SCAMP2: variants seen among roughly 807,000 people sequenced by gnomAD.
SCAMP2 encodes secretory carrier-associated membrane protein 2.
SCAMP2 carries 25 observed loss-of-function variants against 44.1 expected under a neutral mutation model. That is an observed-to-expected ratio of 0.57 (90% CI 0.41 to 0.79). The LOEUF (loss-of-function observed/expected upper bound fraction) is 0.79. Among genes scored for constraint, SCAMP2 ranks in the 30% least tolerant of loss-of-function variants. The pLI, the probability that SCAMP2 is intolerant of heterozygous loss-of-function variation, is 0.00. For synonymous variants in SCAMP2, 156 were observed against 166.0 expected, an observed-to-expected ratio of 0.94 and a Z score of 0.46; for missense variants, 355 against 411.0, an observed-to-expected ratio of 0.86 and a Z score of 1.18.
intron 2 of SCAMP2, 99 bp from the exon 3 acceptor site, chr15:74,854,218 T>G: frequency 9.3e-7 from 1 of 1,075,526 alleles, no homozygotes; most frequent in Non-Finnish European, 1.4e-6. Flanking sequence ...CCCCTGCCTG[T>G]GAGGGGACTC....
At chr15:74,850,704 T>C (rs1426147893) in intron 5 of SCAMP2, 31 bp from the exon 6 acceptor site, 1 of 1,611,418 alleles carries the variant, frequency 6.2e-7, no homozygotes, top group African/African-American at 1.3e-5. Flanking sequence ...GAGTTATGAC[T>C]TGTGCCACAG....
At chr15:74,871,101 C>A (rs1268764874) in intron 1 of SCAMP2, among the ~76,000 whole-genome samples, 1 of 152,138 alleles carries the variant, frequency 6.6e-6, no homozygotes, top group African/African-American at 2.4e-5. Flanking sequence ...AACAGTTCAG[C>A]CCCTCATGGT....
chr15:74,848,822 T>A (rs1484097086), intron 6 of SCAMP2, 121 bp from the exon 7 acceptor site: 3 of 663,044 alleles, frequency 4.5e-6, no homozygotes, highest in Non-Finnish European at 7.9e-6. Flanking sequence ...GAGACAGAGC[T>A]CCAGGGGCCC....
chr15:74,869,896 C>T (rs1208273768), intron 1 of SCAMP2, among the ~76,000 whole-genome samples: 28 of 152,192 alleles, frequency 1.8e-4, no homozygotes, highest in Admixed American at 1.8e-3. Flanking sequence ...GCTGGGCTCA[C>T]ACCCAGGCAC....
intron 1 of SCAMP2, among the ~76,000 whole-genome samples, chr15:74,871,130 T>C (rs536254779): frequency 6.6e-6 from 1 of 152,170 alleles, no homozygotes; most frequent in Non-Finnish European, 1.5e-5. Context: ...ATCATCCCTG[T>C]GCTCTCAGCT....
Position 74,850,530 on chromosome 15 carries a change from T to G in SCAMP2, c.616A>C (p.Ile206Leu). ...PCAFLCWYRP[I>L]YKAFRSDNSF... Reference sequence around the variant, plus strand: ...CTCACTCACCTAAAGGCCTTATAGATGGGTCGGTACCAACAAAGGAAGGCA... The same window carrying G: ...CTCACTCACCTAAAGGCCTTATAGAGGGGTCGGTACCAACAAAGGAAGGCA... The change falls in exon 6 of 9, where the codon ATC becomes CTC. Residue 206 changes from isoleucine (I) to leucine (L), a missense_variant. Coordinates refer to ENST00000268099, the MANE Select transcript of SCAMP2 (RefSeq NM_005697.5). 6.2e-7 allele frequency: 1 copy of G among 1,613,942 alleles called. No individual in the cohort carries two copies. The highest frequency in any genetic ancestry group is 8.5e-7 in the Non-Finnish European group (1 of 1,179,916).
rs886646054 is a variant in SCAMP2, at chr15:74,844,551, A to T, written c.*532T>A. ...ATGAGGCAGAGAAGAGCTTGAGGCA[A>T]CCAGCCTTCTCTGGAAGCCTGGAGA... is the stretch of plus-strand genomic sequence containing the variant. On this transcript the variant is annotated 3_prime_UTR_variant, in exon 9 of 9. Coordinates refer to ENST00000268099, the MANE Select transcript of SCAMP2 (RefSeq NM_005697.5). 1.3e-5 allele frequency: 2 copies of T among 152,640 alleles called. No homozygotes were observed. The highest frequency in any genetic ancestry group is 2.9e-5 in the Non-Finnish European group (2 of 68,376). 9.5% of individuals were successfully genotyped at this position (152,640 alleles called of 1,614,324 possible). A position where few individuals can be genotyped will look rare whatever the true frequency, so the allele number is the denominator to read the frequency against.
At chr15:74,845,331 C>T in intron 8 of SCAMP2, 114 bp from the exon 9 acceptor site, 4 of 1,576,708 alleles carry the variant, frequency 2.5e-6, no homozygotes, top group Non-Finnish European at 3.5e-6. Flanking sequence ...CCTGACCCCC[C>T]ACCCAGATCC....
intron 1 of SCAMP2, among the ~76,000 whole-genome samples, chr15:74,865,917 C>T (rs1041780867): frequency 1.2e-4 from 17 of 137,144 alleles, no homozygotes; most frequent in Admixed American, 8.2e-5. Context: ...TGCCACTGCA[C>T]TTCGGCCTAG....
In SCAMP2 at chr15:74,844,923, C is replaced by A; in HGVS notation, c.*160G>T. Reference sequence around the variant, plus strand: ...GGGGGAAAAAATTCCCTGTCCCTCCCGTTCCAGGGAGAGCTGGTCGCTGAG... The same window carrying A: ...GGGGGAAAAAATTCCCTGTCCCTCCAGTTCCAGGGAGAGCTGGTCGCTGAG... On this transcript the variant is annotated 3_prime_UTR_variant, in exon 9 of 9. Transcript: ENST00000268099. 1 of 757,640 alleles carries A rather than the reference C, an allele frequency of 1.3e-6. No individual in the cohort carries two copies. 46.9% of individuals were successfully genotyped at this position (757,640 alleles called of 1,614,324 possible).
Position 74,852,117 on chromosome 15 carries a change from G to A in SCAMP2, c.295C>T (p.Leu99=). 1 of 1,591,822 alleles carries A rather than the reference G, an allele frequency of 6.3e-7. No homozygotes were observed. The highest frequency in any genetic ancestry group is 1.1e-5 in the South Asian group (1 of 87,884). ...QEELDRKAAE[L]ERKERELQNT... Reference sequence around the variant, plus strand: ...TGCAGCTCCCGCTCCTTGCGTTCCAGCTCGGCAGCTTTCCTGTCCAGTTCT... The same window carrying A: ...TGCAGCTCCCGCTCCTTGCGTTCCAACTCGGCAGCTTTCCTGTCCAGTTCT... The change falls in exon 4 of 9, where the codon CTG becomes TTG. Residue 99 remains leucine (L), a synonymous_variant. Coordinates refer to ENST00000268099, the MANE Select transcript of SCAMP2 (RefSeq NM_005697.5).
chr15:74,854,268 G>A, intron 2 of SCAMP2, 149 bp from the exon 3 acceptor site: 1 of 792,590 alleles, frequency 1.3e-6, no homozygotes, highest in South Asian at 1.5e-5. Context: ...TGGCTTCCCA[G>A]CCAACAAGCC....
At chr15:74,850,181 C>T (rs925707052) in intron 6 of SCAMP2, among the ~76,000 whole-genome samples, 2 of 152,144 alleles carry the variant, frequency 1.3e-5, no homozygotes, top group South Asian at 4.1e-4. Flanking sequence ...CACCTTAGAG[C>T]CTCAGAAGGG....
chr15:74,855,766 T>A (rs1471249815), intron 1 of SCAMP2, among the ~76,000 whole-genome samples: 1 of 148,496 alleles, frequency 6.7e-6, no homozygotes, highest in Non-Finnish European at 1.5e-5. Context: ...AACAAAAACA[T>A]GCTGCTGGCT....
intron 1 of SCAMP2, 48 bp downstream of exon 1, chr15:74,873,150 GT>G: frequency 7.2e-7 from 1 of 1,390,254 alleles, no homozygotes; most frequent in Non-Finnish European, 9.4e-7. Flanking sequence ...GGCGGCGGCC[GT>G]GGGCCCTAGG....
intron 7 of SCAMP2, 75 bp from the exon 8 acceptor site, chr15:74,845,668 C>T: frequency 6.4e-7 from 1 of 1,565,732 alleles, no homozygotes; most frequent in Non-Finnish European, 8.7e-7. Context: ...GGCTCTTCTC[C>T]AAGTGGCTGC....
chr15:74,854,375 G>A (rs1032363689), intron 2 of SCAMP2, among the ~76,000 whole-genome samples: 8 of 152,230 alleles, frequency 5.3e-5, no homozygotes, highest in Non-Finnish European at 8.8e-5. Flanking sequence ...GAGGGGCCCC[G>A]GTCACAGATC....
chr15:74,848,302 G>A (rs779395621), intron 7 of SCAMP2: 17 of 250,968 alleles, frequency 6.8e-5, no homozygotes, highest in Admixed American at 2.2e-4. Flanking sequence ...TCCTGGGCTT[G>A]AGCAATCTGC....
At chr15:74,853,870 G>A (rs1036364130) in intron 3 of SCAMP2, 151 bp downstream of exon 3, 3 of 652,414 alleles carry the variant, frequency 4.6e-6, no homozygotes, top group Non-Finnish European at 8.1e-6. Context: ...CCCTCTACTT[G>A]TAGGTGACCA....
Sources: gnomAD v4.1 joint callset for allele counts (sites outside exome capture counted in the v4.1 genomes callset) on GRCh38, gnomAD v4.1.1 for gene constraint, MANE v1.5 for transcripts, NCBI Gene and HGNC (gene_info 2026-07-23, HGNC 2026-07-21) for gene names.